The following PIK3R6 variants were observed in gnomAD, a reference collection of about 807,000 sequenced individuals.
PIK3R6 encodes phosphoinositide 3-kinase regulatory subunit 6.
PIK3R6 carries 91 observed loss-of-function variants against 84.9 expected under a neutral mutation model. The observed-to-expected ratio is 1.07, with a 90% CI of 0.90 to 1.28. PIK3R6 has a LOEUF of 1.28. Ranked by LOEUF, PIK3R6 falls within the 50% of genes most tolerant of loss-of-function variation. PIK3R6 has a pLI of 0.00. For missense variants in PIK3R6, 996 were observed against 985.1 expected, an observed-to-expected ratio of 1.01 and a Z score of -0.15; for synonymous variants, 416 against 411.4, an observed-to-expected ratio of 1.01 and a Z score of -0.13.
intron 18 of PIK3R6, among the ~76,000 whole-genome samples, chr17:8,809,581 G>A (rs903042944): frequency 6.6e-6 from 1 of 152,252 alleles, no homozygotes; most frequent in African/African-American, 2.4e-5. Context: ...GATCACTTGA[G>A]TCCAGGAATT....
chr17:8,810,317 C>T (rs2087323605), intron 18 of PIK3R6, among the ~76,000 whole-genome samples: 1 of 147,756 alleles, frequency 6.8e-6, no homozygotes, highest in African/African-American at 2.5e-5. Flanking sequence ...CAATTACCTC[C>T]CACCAGGCCC....
At chr17:8,838,525 T>A (rs1306839321) in intron 4 of PIK3R6, 39 bp downstream of exon 4, 3 of 1,554,036 alleles carry the variant, frequency 1.9e-6, no homozygotes, top group Non-Finnish European at 2.6e-6. Context: ...CCTCTCTTCC[T>A]TTCATCCCCG....
At chr17:8,853,578 A>C (rs1486956013) in intron 1 of PIK3R6, among the ~76,000 whole-genome samples, 1 of 151,968 alleles carries the variant, frequency 6.6e-6, no homozygotes, top group Non-Finnish European at 1.5e-5. Flanking sequence ...TATGATGAAA[A>C]CTATGAAATG....
intron 18 of PIK3R6, among the ~76,000 whole-genome samples, chr17:8,805,828 G>A (rs1261202672): frequency 6.6e-6 from 1 of 152,076 alleles, no homozygotes; most frequent in African/African-American, 2.4e-5. Flanking sequence ...TGAGGCAGGA[G>A]GATCGCTTGA....
chr17:8,829,844 C>T, intron 9 of PIK3R6, 52 bp from the exon 10 acceptor site: 1 of 1,427,334 alleles, frequency 7.0e-7, no homozygotes, highest in Non-Finnish European at 9.6e-7. Context: ...TGGGACCCTC[C>T]TCTGCCCTCC....
chr17:8,827,017 C>G (rs775414667), intron 13 of PIK3R6, among the ~76,000 whole-genome samples, 155 bp downstream of exon 13: 15 of 152,126 alleles, frequency 9.9e-5, no homozygotes, highest in Non-Finnish European at 1.6e-4. Flanking sequence ...TCCCACCTGA[C>G]TCTTAAGGTC....
At chr17:8,860,222 C>T (rs1272675252) in intron 1 of PIK3R6, among the ~76,000 whole-genome samples, 2 of 152,064 alleles carry the variant, frequency 1.3e-5, no homozygotes, top group Admixed American at 1.3e-4. Flanking sequence ...CCGTTAGGAA[C>T]TAGGGACACA....
chr17:8,836,544 C>T lies in PIK3R6; in HGVS notation c.461+3G>A, dbSNP rs751432570. ...AGGTAGCAATTTTTCTGGGGCCACT[C>T]ACCTCTCCTGGTAGGGATACAGCTC... On this transcript the variant is annotated splice_donor_region_variant and intron_variant, in intron 7 of 19. Transcript: ENST00000619866. 2.5e-6 allele frequency: 4 copies of T among 1,613,952 alleles called. No individual in the cohort carries two copies. The South Asian group carries it at 4.4e-5, about 18-fold the overall frequency.
intron 2 of PIK3R6, among the ~76,000 whole-genome samples, chr17:8,846,120 CTT>C (rs1433515733): frequency 6.6e-6 from 1 of 152,076 alleles, no homozygotes; most frequent in East Asian, 1.9e-4. Flanking sequence ...TTTCATCTAT[CTT>C]GAGTTAATTT....
chr17:8,864,696 C>A (rs1224040464), intron 1 of PIK3R6, among the ~76,000 whole-genome samples: 1 of 151,876 alleles, frequency 6.6e-6, no homozygotes, highest in African/African-American at 2.4e-5. Flanking sequence ...CGCCACCACG[C>A]CCAGCTAATT....
At chr17:8,864,607 G>GTC (rs2089363380) in intron 1 of PIK3R6, among the ~76,000 whole-genome samples, 1 of 126,168 alleles carries the variant, frequency 7.9e-6, no homozygotes. Flanking sequence ...GCGCAATCTC[G>GTC]TCTCACTGCA....
At chr17:8,829,828 A>C (rs2088173175) in intron 9 of PIK3R6, 36 bp from the exon 10 acceptor site, 2 of 1,510,114 alleles carry the variant, frequency 1.3e-6, no homozygotes, top group South Asian at 1.2e-5. Flanking sequence ...GCCATGGAGG[A>C]GGCCATGGGA....
chr17:8,836,660 A>C (rs2088477485), intron 6 of PIK3R6, 44 bp from the exon 7 acceptor site: 3 of 1,613,186 alleles, frequency 1.9e-6, no homozygotes, highest in African/African-American at 2.7e-5. Context: ...CAAGTCTCTG[A>C]CTCCCATTCT....
intron 18 of PIK3R6, among the ~76,000 whole-genome samples, chr17:8,805,879 C>T (rs1452732929): frequency 6.6e-6 from 1 of 151,582 alleles, no homozygotes; most frequent in East Asian, 1.9e-4. Flanking sequence ...GATTGCACCA[C>T]TGCACTCCAG....
chr17:8,829,516 A>ATG (rs1405450832), intron 10 of PIK3R6, among the ~76,000 whole-genome samples, 190 bp downstream of exon 10: 1 of 112,716 alleles, frequency 8.9e-6, no homozygotes, highest in East Asian at 4.5e-4. Context: ...ACACTCATGC[A>ATG]TACACACACA....
rs1441529420 is a variant in PIK3R6 at position 8,829,698 on chromosome 17, G to A, written c.889+8C>T. ...CCACTGTTTCCAGACAGCTCCATGG[G>A]CACGTACAGAGCTGCTCCTCACCGG... On this transcript the variant is annotated splice_region_variant and intron_variant, in intron 10 of 19. Coordinates refer to ENST00000619866, the MANE Select transcript of PIK3R6 (RefSeq NM_001010855.4). 6 of 1,551,342 alleles carry A rather than the reference G, an allele frequency of 3.9e-6. No homozygotes were observed. The South Asian group carries it at 4.8e-5, about 12-fold the overall frequency.
chr17:8,858,001 G>T lies in PIK3R6; in HGVS notation c.-91-8116C>A, dbSNP rs114799478. Among the ~76,000 whole-genome samples, 790 of 151,836 alleles carry T rather than the reference G, an allele frequency of 5.2e-3. 10 individuals are homozygous for T. Among genetic ancestry groups the T allele is most frequent in the African/African-American group, 0.018 (756 of 41,426 alleles). On this transcript the variant is annotated intron_variant, in intron 1 of 19. Transcript: ENST00000619866. Reference sequence around the variant, plus strand: ...TTTGCTCATTCCTTCATTCACTCACGCATTCACTCATCAAACATTTATTCA... The same window carrying T: ...TTTGCTCATTCCTTCATTCACTCACTCATTCACTCATCAAACATTTATTCA...
In PIK3R6 at chr17:8,803,449, A is replaced by G. The variant is rs1257163037; in HGVS notation, c.2109-20T>C. ...TCGAATCTGTGGGTGGAGAGAGACCAGCTCAGGTGACCCATCTGAGGGATC... is the reference window on the plus strand; with the variant it reads ...TCGAATCTGTGGGTGGAGAGAGACCGGCTCAGGTGACCCATCTGAGGGATC... On this transcript the variant is annotated intron_variant, in intron 19 of 19. Coordinates refer to ENST00000619866, the MANE Select transcript of PIK3R6 (RefSeq NM_001010855.4). This position sits in a 1 kb window ranked among gnomAD's most constrained non-coding sequence, Gnocchi z 5.0. 1.3e-6 allele frequency: 2 copies of G among 1,578,862 alleles called. No individual in the cohort carries two copies. Among genetic ancestry groups the G allele is most frequent in the Non-Finnish European group, 1.7e-6 (2 of 1,164,826 alleles).
At chr17:8,856,360 G>C (rs1222751356) in intron 1 of PIK3R6, among the ~76,000 whole-genome samples, 1 of 152,216 alleles carries the variant, frequency 6.6e-6, no homozygotes, top group African/African-American at 2.4e-5. Flanking sequence ...CCAACACTTT[G>C]GGATGGTGAG....
Sources: gnomAD v4.1 joint callset for allele counts (sites outside exome capture counted in the v4.1 genomes callset) on GRCh38, gnomAD v4.1.1 for gene constraint, Gnocchi (gnomAD v3.1) non-coding constraint, MANE v1.5 for transcripts, NCBI Gene and HGNC (gene_info 2026-07-23, HGNC 2026-07-21) for gene names.